Variants in NAV3 observed in about 807,000 individuals in gnomAD.
NAV3 encodes the protein neuron navigator 3.
A neutral mutation model predicts 244.7 loss-of-function variants in NAV3; 87 were observed. The ratio of observed to expected loss-of-function variants is 0.36; its 90% CI spans 0.30 to 0.42. The LOEUF (loss-of-function observed/expected upper bound fraction) is 0.42. NAV3 is among the 20% of genes least tolerant of loss of function. The pLI is 1.00. For synonymous variants in NAV3, 1,126 were observed against 1,042.2 expected (o/e 1.08, Z -1.55); for missense variants, 2,663 against 2,893.3 (o/e 0.92, Z 1.83).
At chr12:77,991,875 A>G (rs540790589) in intron 5 of NAV3, among the ~76,000 whole-genome samples, 1 of 152,296 alleles carries the variant, frequency 6.6e-6, no homozygotes, top group East Asian at 1.9e-4. Flanking sequence ...TACTAAAAAT[A>G]CAAAAAGTAG....
At chr12:77,936,247 T>A (rs1441866738) in intron 1 of NAV3, among the ~76,000 whole-genome samples, 2 of 152,218 alleles carry the variant, frequency 1.3e-5, no homozygotes, top group African/African-American at 4.8e-5. Context: ...TTTTATCACT[T>A]TTAATTATGG....
intron 2 of NAV3, among the ~76,000 whole-genome samples, chr12:77,728,101 C>A (rs928400201): frequency 6.6e-6 from 1 of 151,790 alleles, no homozygotes; most frequent in African/African-American, 2.4e-5. Context: ...CGATTCCATC[C>A]TAGTAGACAT....
chr12:77,606,502 G>A (rs150157165), intron 2 of NAV3, among the ~76,000 whole-genome samples: 6 of 152,112 alleles, frequency 3.9e-5, no homozygotes, highest in East Asian at 3.9e-4. Context: ...TAACTTTTCT[G>A]CTACAATGTG....
chr12:77,951,899 C>A (rs1890924721), intron 3 of NAV3, among the ~76,000 whole-genome samples: 1 of 151,938 alleles, frequency 6.6e-6, no homozygotes, highest in Admixed American at 6.6e-5. Flanking sequence ...AGGAGAACAT[C>A]ACACACCAGG....
At chr12:77,961,102 G>A (rs925199644) in intron 3 of NAV3, among the ~76,000 whole-genome samples, 2 of 143,422 alleles carry the variant, frequency 1.4e-5, no homozygotes, top group African/African-American at 2.5e-5. Context: ...ACATGTATAC[G>A]CATATATGTA....
In NAV3 at chr12:78,200,573, A is replaced by G. The variant is rs1404162399; in HGVS notation, c.6816A>G (p.Ala2272=). 6.4e-7 allele frequency: 1 copy of G among 1,568,486 alleles called. No individual in the cohort carries two copies. The highest frequency in any genetic ancestry group is 1.2e-5 in the South Asian group (1 of 82,814). Residue 2272 remains alanine, a synonymous_variant, in exon 38 of 40, where the codon GCA becomes GCG. Coordinates refer to ENST00000397909, the MANE Select transcript of NAV3 (RefSeq NM_001024383.2). ...CTTTAGTACCTTATATTCTGGAGGC[A>G]GTGAGAGAGGGTCTTCAGGTATAGT... ...NYSLVPYILE[A]VREGLQMYGK...
At position 78,179,660 on chromosome 12, in the gene NAV3, G is replaced by C; in HGVS notation, c.5495G>C (p.Arg1832Pro). ...TCTGCTCATCATCTTGATCAGATCC[G>C]GGAAGCCATGAACCGGATGCAGGTT... is the stretch of plus-strand genomic sequence containing the variant. ...LSSAHHLDQI[R>P]EAMNRMQNEI... is the part of the protein sequence containing the mutation. The change falls in exon 29 of 40, where the codon CGG becomes CCG. Residue 1832 changes from arginine (R) to proline (P), a missense_variant. This residue lies in a region of NAV3 where 543 missense variants were observed against 672.4 expected (regional missense o/e 0.81). Transcript: ENST00000397909. 1.9e-6 allele frequency: 3 copies of C among 1,612,370 alleles called. No homozygotes were observed. Among genetic ancestry groups the C allele is most frequent in the Non-Finnish European group, 2.5e-6 (3 of 1,179,054 alleles).
At chr12:77,792,613 C>T (rs1331724138) in intron 2 of NAV3, among the ~76,000 whole-genome samples, 2 of 152,136 alleles carry the variant, frequency 1.3e-5, no homozygotes. Flanking sequence ...AGGATTCCTT[C>T]GATGGGCAAT....
chr12:77,672,433 A>C (rs1028937332), intron 2 of NAV3, among the ~76,000 whole-genome samples: 3 of 152,152 alleles, frequency 2.0e-5, no homozygotes, highest in Admixed American at 1.3e-4. Flanking sequence ...CTATATGAAA[A>C]GGATACTTGC....
intron 20 of NAV3, among the ~76,000 whole-genome samples, chr12:78,141,074 A>G (rs1204218104): frequency 6.6e-6 from 1 of 151,894 alleles, no homozygotes; most frequent in Admixed American, 6.6e-5. Flanking sequence ...AAATTGTTTT[A>G]GAGACAAGGT....
chr12:78,159,150 C>A, intron 22 of NAV3, 53 bp from the exon 23 acceptor site: 1 of 1,466,680 alleles, frequency 6.8e-7, no homozygotes, highest in Non-Finnish European at 9.4e-7. Context: ...GCTTTTCATC[C>A]ATCCACATAA....
At chr12:77,686,023 G>T (rs1874724681) in intron 2 of NAV3, among the ~76,000 whole-genome samples, 1 of 152,136 alleles carries the variant, frequency 6.6e-6, no homozygotes, top group African/African-American at 2.4e-5. Flanking sequence ...GGAATAAAAT[G>T]GATGGATTTG....
At chr12:78,062,741 G>A (rs909022442) in intron 12 of NAV3, among the ~76,000 whole-genome samples, 1 of 152,064 alleles carries the variant, frequency 6.6e-6, no homozygotes, top group Admixed American at 6.6e-5. Context: ...AAGGATTCAG[G>A]TCTTTTACTT....
intron 1 of NAV3, among the ~76,000 whole-genome samples, chr12:77,864,604 A>G (rs1010337772): frequency 1.3e-5 from 2 of 152,020 alleles, no homozygotes; most frequent in African/African-American, 4.8e-5. Flanking sequence ...GACTTCTCTC[A>G]GGAATATATT....
chr12:77,871,161 AT>A (rs1432297391), intron 1 of NAV3, among the ~76,000 whole-genome samples: 2 of 152,214 alleles, frequency 1.3e-5, no homozygotes, highest in African/African-American at 4.8e-5. Flanking sequence ...AGAAAGCAAA[AT>A]TTACATGAAA....
At position 78,180,992 on chromosome 12, in the gene NAV3, A is replaced by G. The variant is rs1958473856; in HGVS notation, c.5639A>G (p.Gln1880Arg). 1.2e-6 allele frequency: 2 copies of G among 1,613,292 alleles called. No homozygotes were observed. Among genetic ancestry groups the G allele is most frequent in the Admixed American group, 1.7e-5 (1 of 59,950 alleles). The change falls in exon 30 of 40, where the codon CAG (glutamine) becomes CGG (arginine). Residue 1880 changes from glutamine to arginine, a missense_variant. Gln to Arg is a conservative substitution (Grantham distance 43). Transcript: ENST00000397909. ...SSSTSSSSSRQSLGLSLNNLN... is the reference protein window; with the variant it reads ...SSSTSSSSSRRSLGLSLNNLN... ...AGCACCTCCTCTTCATCTTCCAGGC[A>G]GTCATTAGGACTTTCTCTAAACAAT...
intron 12 of NAV3, among the ~76,000 whole-genome samples, chr12:78,083,991 C>A (rs1351170259): frequency 6.6e-6 from 1 of 152,098 alleles, no homozygotes; most frequent in Non-Finnish European, 1.5e-5. Context: ...TCAGTTAAAA[C>A]CAACATTTTA....
chr12:77,961,068 CATATATGT>C (rs1178991710), intron 3 of NAV3, among the ~76,000 whole-genome samples: 1 of 144,638 alleles, frequency 6.9e-6, no homozygotes. Context: ...CATGTATACG[CATATATGT>C]ATATATGTAT....
chr12:77,947,453 A>C (rs902144193), intron 3 of NAV3: 3 of 150,712 alleles, frequency 2.0e-5, no homozygotes, highest in Non-Finnish European at 4.4e-5. Flanking sequence ...GAGGTTCTTA[A>C]CCAAATAGGG....
Sources: gnomAD v4.1 joint callset for allele counts (sites outside exome capture counted in the v4.1 genomes callset) on GRCh38, gnomAD v4.1.1 for gene constraint, gnomAD v4.1.1 regional missense constraint, MANE v1.5 for transcripts, NCBI Gene and HGNC (gene_info 2026-07-23, HGNC 2026-07-21) for gene names.